PHLPP1: variants seen among roughly 807,000 people sequenced by gnomAD.
PHLPP1 encodes PH domain leucine-rich repeat-containing protein phosphatase 1.
PHLPP1 carries 42 observed loss-of-function variants against 117.2 expected under a neutral mutation model. The observed-to-expected ratio is 0.36, with a 90% CI of 0.28 to 0.46. The LOEUF is 0.46. Ranked by LOEUF, PHLPP1 falls within the 20% of genes least tolerant of loss-of-function variation. The pLI, the probability that PHLPP1 is intolerant of heterozygous loss-of-function variation, is 1.00. For missense variants in PHLPP1, 2,084 were observed against 2,241.9 expected (o/e 0.93, Z 1.42); for synonymous variants, 1,042 against 970.7 (o/e 1.07, Z -1.37).
At chr18:62,949,028 G>A (rs935563014) in intron 12 of PHLPP1, among the ~76,000 whole-genome samples, 1 of 151,866 alleles carries the variant, frequency 6.6e-6, no homozygotes, top group Non-Finnish European at 1.5e-5. Context: ...TCATTTCTAC[G>A]GTGATATATT....
intron 12 of PHLPP1, among the ~76,000 whole-genome samples, chr18:62,950,118 T>C (rs1910410274): frequency 1.3e-5 from 2 of 152,244 alleles, no homozygotes; most frequent in Non-Finnish European, 2.9e-5. Flanking sequence ...TTAAACATCA[T>C]GTCAGCAACT....
intron 6 of PHLPP1, among the ~76,000 whole-genome samples, chr18:62,898,849 A>G (rs796444171): frequency 2.2e-4 from 33 of 151,990 alleles, no homozygotes; most frequent in African/African-American, 7.5e-4. Context: ...CCCAGACTGG[A>G]GTGCAGTGGT....
At chr18:62,814,071 T>G (rs1254982870) in intron 1 of PHLPP1, among the ~76,000 whole-genome samples, 1 of 152,162 alleles carries the variant, frequency 6.6e-6, no homozygotes, top group Non-Finnish European at 1.5e-5. Flanking sequence ...AACTGTAATC[T>G]GTAGGCATAT....
At chr18:62,805,343 A>C (rs1913917715) in intron 1 of PHLPP1, among the ~76,000 whole-genome samples, 1 of 151,248 alleles carries the variant, frequency 6.6e-6, no homozygotes, top group Non-Finnish European at 1.5e-5. Flanking sequence ...TAGGTTATAC[A>C]TATACAGTAT....
chr18:62,900,270 C>T (rs1260121357), intron 6 of PHLPP1, among the ~76,000 whole-genome samples: 5 of 151,642 alleles, frequency 3.3e-5, no homozygotes, highest in Non-Finnish European at 5.9e-5. Flanking sequence ...GCACTCCAAC[C>T]TGGGTGACAG....
chr18:62,755,861 A>G (rs1031785584), intron 1 of PHLPP1, among the ~76,000 whole-genome samples: 3 of 152,056 alleles, frequency 2.0e-5, no homozygotes, highest in African/African-American at 4.8e-5. Flanking sequence ...CTTAGAAGGT[A>G]TTATTCATTC....
At chr18:62,860,907 A>G (rs1472865664) in intron 4 of PHLPP1, among the ~76,000 whole-genome samples, 1 of 152,212 alleles carries the variant, frequency 6.6e-6, no homozygotes, top group African/African-American at 2.4e-5. Context: ...AAAATTAATA[A>G]CATTTGGTGT....
At chr18:62,858,831 G>A (rs958926271) in intron 3 of PHLPP1, among the ~76,000 whole-genome samples, 1 of 152,084 alleles carries the variant, frequency 6.6e-6, no homozygotes, top group African/African-American at 2.4e-5. Context: ...TTTGGAAATG[G>A]TAGTGTTAGT....
chr18:62,978,908 G>A lies in PHLPP1; in HGVS notation c.4631G>A (p.Gly1544Asp). Reference protein sequence around the residue: ...ATFSSAFSDNGLDSDDEEPIE... With the variant: ...ATFSSAFSDNDLDSDDEEPIE... The stretch of plus-strand genomic sequence containing the variant: ...TTCTCTAGCGCCTTCTCCGACAACG[G>A]CCTTGACAGTGACGATGAGGAGCCC... Residue 1544 changes from glycine (G) to aspartate (D), a missense_variant, in exon 17 of 17, where the codon GGC (glycine) becomes GAC (aspartate). Around this residue, in one of 2 missense-constraint regions of PHLPP1, gnomAD observed 1,365 missense variants for 1,605.9 expected, o/e 0.85. Coordinates refer to ENST00000262719, the MANE Select transcript of PHLPP1 (RefSeq NM_194449.4). The surrounding 1 kb of genome is among the most constrained non-coding windows in gnomAD (Gnocchi z 7.0). The A allele has an allele frequency of 1.9e-6, 3 of 1,607,794 alleles. No homozygotes were observed. The highest frequency in any genetic ancestry group is 2.5e-6 in the Non-Finnish European group (3 of 1,177,238).
At chr18:62,728,977 C>G (rs566561019) in intron 1 of PHLPP1, among the ~76,000 whole-genome samples, 2 of 151,900 alleles carry the variant, frequency 1.3e-5, no homozygotes, top group African/African-American at 4.8e-5. Context: ...TGAAATAGCT[C>G]TAACTTGAGA....
chr18:62,844,946 T>A (rs919765450), intron 3 of PHLPP1, among the ~76,000 whole-genome samples: 1 of 152,236 alleles, frequency 6.6e-6, no homozygotes, highest in Non-Finnish European at 1.5e-5. Context: ...ATTTTGAATC[T>A]GAATAGTAAC....
In PHLPP1 at chr18:62,716,642, C is replaced by T. The variant is rs1910749950; in HGVS notation, c.959C>T (p.Pro320Leu). 3 of 1,405,510 alleles carry T rather than the reference C, an allele frequency of 2.1e-6. No homozygotes were observed. The highest frequency in any genetic ancestry group is 3.0e-5 in the East Asian group (1 of 32,810). 87.1% of individuals were successfully genotyped at this position (1,405,510 alleles called of 1,614,324 possible). ...GGWSRRASPAPSDSSPGEPFV... is the reference protein window; with the variant it reads ...GGWSRRASPALSDSSPGEPFV... ...TGGTCGCGCCGCGCCAGCCCAGCGCCCTCGGACTCCAGCCCCGGCGAGCCG... is the reference window on the plus strand; with the variant it reads ...TGGTCGCGCCGCGCCAGCCCAGCGCTCTCGGACTCCAGCCCCGGCGAGCCG... Residue 320 changes from proline to leucine, a missense_variant, in exon 1 of 17, where the codon CCC becomes CTC. Pro to Leu is a moderately conservative substitution (Grantham distance 98). Around this residue, in one of 2 missense-constraint regions of PHLPP1, gnomAD observed 719 missense variants for 636.0 expected, o/e 1.13. Transcript: ENST00000262719. The surrounding 1 kb of genome is among the most constrained non-coding windows in gnomAD (Gnocchi z 5.7).
At chr18:62,880,239 T>C (rs1200716025) in intron 4 of PHLPP1, among the ~76,000 whole-genome samples, 1 of 152,104 alleles carries the variant, frequency 6.6e-6, no homozygotes, top group Non-Finnish European at 1.5e-5. Flanking sequence ...CTGTGAGATA[T>C]GCTTAGCCTA....
intron 1 of PHLPP1, among the ~76,000 whole-genome samples, chr18:62,740,648 CA>C (rs1449739318): frequency 2.0e-5 from 3 of 152,140 alleles, no homozygotes; most frequent in African/African-American, 7.2e-5. Context: ...GTTATTGAAA[CA>C]AAAACGAGCA....
intron 1 of PHLPP1, among the ~76,000 whole-genome samples, chr18:62,812,696 T>G (rs1225640226): frequency 6.6e-6 from 1 of 152,088 alleles, no homozygotes; most frequent in African/African-American, 2.4e-5. Context: ...ATTGCACACT[T>G]TAACTTTTGT....
chr18:62,862,174 C>T (rs373769267), intron 4 of PHLPP1, among the ~76,000 whole-genome samples: 4 of 151,718 alleles, frequency 2.6e-5, no homozygotes, highest in African/African-American at 4.8e-5. Flanking sequence ...CTGCCTCCCG[C>T]GTTCTAGTGA....
intron 1 of PHLPP1, among the ~76,000 whole-genome samples, chr18:62,800,336 A>G (rs1913743439): frequency 6.6e-6 from 1 of 152,218 alleles, no homozygotes; most frequent in Non-Finnish European, 1.5e-5. Context: ...TTAACGCTTT[A>G]GAGTTTGTGT....
chr18:62,782,316 G>A (rs916649092), intron 1 of PHLPP1, among the ~76,000 whole-genome samples: 8 of 152,208 alleles, frequency 5.3e-5, no homozygotes, highest in Admixed American at 2.0e-4. Context: ...TAAGGGTTGT[G>A]GAGAGAGAAC....
At chr18:62,968,138 C>T (rs373191904) in intron 14 of PHLPP1, among the ~76,000 whole-genome samples, 4 of 152,250 alleles carry the variant, frequency 2.6e-5, no homozygotes, top group African/African-American at 9.6e-5. Flanking sequence ...TATTATATTT[C>T]TTACATGCTG....
Sources: allele counts gnomAD v4.1 joint callset (sites outside exome capture counted in the v4.1 genomes callset), GRCh38; gene constraint gnomAD v4.1.1; regional missense constraint gnomAD v4.1.1; non-coding constraint Gnocchi (gnomAD v3.1); transcripts MANE v1.5; gene names NCBI Gene and HGNC (gene_info 2026-07-23, HGNC 2026-07-21).